ERC2: variants seen among roughly 807,000 people sequenced by gnomAD.
ERC2 encodes the protein ERC protein 2.
In ERC2, 42 loss-of-function variants were observed where a neutral mutation model predicts 114.8. The observed-to-expected ratio is 0.37, with a 90% CI of 0.29 to 0.47. The LOEUF (loss-of-function observed/expected upper bound fraction) is 0.47. Ranked by LOEUF, ERC2 falls within the 20% of genes least tolerant of loss-of-function variation. The pLI is 0.99. For synonymous variants in ERC2, 454 were observed against 425.5 expected (o/e 1.07, Z -0.82); for missense variants, 939 against 1,150.7 (o/e 0.82, Z 2.66).
At chr3:56,339,135 G>A (rs770418239) in intron 2 of ERC2, among the ~76,000 whole-genome samples, 8 of 152,154 alleles carry the variant, frequency 5.3e-5, no homozygotes, top group African/African-American at 9.7e-5. Context: ...ATTCTAATAA[G>A]AGAAAAGTTA....
intron 17 of ERC2, among the ~76,000 whole-genome samples, chr3:55,648,530 C>T (rs1232655028): frequency 2.0e-5 from 3 of 152,190 alleles, no homozygotes; most frequent in African/African-American, 4.8e-5. Flanking sequence ...AGATGTGTCT[C>T]GCAGGCGGCT....
intron 15 of ERC2, among the ~76,000 whole-genome samples, chr3:55,706,926 A>G (rs879235686): frequency 6.6e-6 from 1 of 152,154 alleles, no homozygotes; most frequent in African/African-American, 2.4e-5. Flanking sequence ...GTTTCGGCCA[A>G]ACATTCATAT....
chr3:55,631,954 C>T (rs777299562), intron 17 of ERC2, among the ~76,000 whole-genome samples: 35 of 152,358 alleles, frequency 2.3e-4, no homozygotes, highest in Middle Eastern at 3.4e-3. Flanking sequence ...TCCCCTGGAA[C>T]ATATGCAGAA....
chr3:56,194,094 A>T (rs957563008), intron 3 of ERC2, among the ~76,000 whole-genome samples: 1 of 152,170 alleles, frequency 6.6e-6, no homozygotes, highest in Non-Finnish European at 1.5e-5. Context: ...CAAGTAAATC[A>T]TCTGTTTTAT....
chr3:55,657,017 G>T (rs2060899196), intron 17 of ERC2, among the ~76,000 whole-genome samples: 1 of 152,012 alleles, frequency 6.6e-6, no homozygotes, highest in Non-Finnish European at 1.5e-5. Context: ...GTGACTGCTG[G>T]ATTCCTGGCC....
intron 14 of ERC2, among the ~76,000 whole-genome samples, chr3:55,828,665 G>A (rs1035615212): frequency 7.9e-5 from 12 of 152,106 alleles, no homozygotes; most frequent in East Asian, 1.9e-4. Flanking sequence ...TCATCCCTAA[G>A]CTGTGCATGT....
chr3:55,998,886 C>A (rs182513453), intron 10 of ERC2, among the ~76,000 whole-genome samples: 1 of 152,110 alleles, frequency 6.6e-6, no homozygotes, highest in Admixed American at 6.5e-5. Flanking sequence ...CAAATGGATA[C>A]CTACTAGGCA....
intron 14 of ERC2, among the ~76,000 whole-genome samples, chr3:55,835,006 T>C (rs2060805212): frequency 6.6e-6 from 1 of 150,902 alleles, no homozygotes; most frequent in South Asian, 2.1e-4. Flanking sequence ...CTAGAAGAAA[T>C]GGATAAATTC....
intron 12 of ERC2, among the ~76,000 whole-genome samples, chr3:55,957,174 G>A (rs538245646): frequency 3.2e-4 from 49 of 152,008 alleles, no homozygotes; most frequent in Non-Finnish European, 4.7e-4. Context: ...CCACCTTGTA[G>A]CATCAGGCCC....
At chr3:55,960,152 C>T (rs189352920) in intron 12 of ERC2, among the ~76,000 whole-genome samples, 4 of 152,342 alleles carry the variant, frequency 2.6e-5, no homozygotes, top group African/African-American at 7.2e-5. Context: ...CTCCATCCAA[C>T]AGCAAGATTG....
chr3:55,528,249 G>C (rs942517976), intron 17 of ERC2, among the ~76,000 whole-genome samples: 1 of 152,300 alleles, frequency 6.6e-6, no homozygotes, highest in East Asian at 1.9e-4. Context: ...CAGAGGGAGC[G>C]GAAATGAAGG....
intron 6 of ERC2, among the ~76,000 whole-genome samples, chr3:56,135,141 T>C (rs188061880): frequency 1.4e-3 from 215 of 152,020 alleles, no homozygotes; most frequent in African/African-American, 4.5e-3. Context: ...TTAGTAGAGA[T>C]AGGGTTTCAC....
rs78714740 is a variant in ERC2, at chr3:55,544,651, C to A, written c.*40-33375G>T. ...TCCTCGCTGGATACTCCTTGGATTC[C>A]TTGAAGAATTCAGCATAATATAAAA... On this transcript the variant is annotated intron_variant, in intron 17 of 17. Transcript: ENST00000288221. Among the ~76,000 whole-genome samples, 870 of 152,238 alleles carry A rather than the reference C, an allele frequency of 5.7e-3. 12 individuals are homozygous for A. Among genetic ancestry groups the A allele is most frequent in the African/African-American group, 0.02 (838 of 41,528 alleles).
intron 17 of ERC2, among the ~76,000 whole-genome samples, chr3:55,675,959 C>T (rs571176584): frequency 2.2e-4 from 23 of 104,404 alleles, no homozygotes; most frequent in Middle Eastern, 0.012. Context: ...TCGCTCTTGT[C>T]GTCCAGACTG....
At chr3:55,564,648 C>T (rs1002084720) in intron 17 of ERC2, among the ~76,000 whole-genome samples, 1 of 152,218 alleles carries the variant, frequency 6.6e-6, no homozygotes, top group African/African-American at 2.4e-5. Context: ...GGCTCTGTCA[C>T]AGCTCTGTAT....
chr3:56,431,150 G>C (rs1331217684), intron 2 of ERC2, among the ~76,000 whole-genome samples: 1 of 152,220 alleles, frequency 6.6e-6, no homozygotes, highest in African/African-American at 2.4e-5. Context: ...CTAGCACACA[G>C]TTGGCCCTCA....
At chr3:55,635,736 T>C (rs815457) in intron 17 of ERC2, among the ~76,000 whole-genome samples, 142,227 of 152,248 alleles carry the variant, frequency 0.93, 66,502 homozygotes, top group East Asian at 1. Flanking sequence ...AGTTCAAGTT[T>C]AGAAACACGC....
chr3:55,693,884 T>G (rs2062795754), intron 16 of ERC2, among the ~76,000 whole-genome samples: 1 of 152,000 alleles, frequency 6.6e-6, no homozygotes, highest in Admixed American at 6.5e-5. Context: ...AATTTTTGTA[T>G]TTTTAGTAGA....
intron 3 of ERC2, among the ~76,000 whole-genome samples, chr3:56,264,783 A>T (rs1001368385): frequency 2.6e-5 from 4 of 151,526 alleles, no homozygotes; most frequent in African/African-American, 9.7e-5. Context: ...AAATCAACAT[A>T]CAAAAACCAG....
Sources: gnomAD v4.1 joint callset for allele counts (sites outside exome capture counted in the v4.1 genomes callset) on GRCh38, gnomAD v4.1.1 for gene constraint, MANE v1.5 for transcripts, NCBI Gene and HGNC (gene_info 2026-07-23, HGNC 2026-07-21) for gene names.